Variants in NKAIN2 observed in about 807,000 individuals in gnomAD.
NKAIN2 encodes sodium/potassium-transporting ATPase subunit beta-1-interacting protein 2.
NKAIN2 carries 14 observed loss-of-function variants against 32.6 expected under a neutral mutation model. The ratio of observed to expected loss-of-function variants is 0.43; its 90% CI spans 0.28 to 0.67. The LOEUF is 0.67. NKAIN2 is among the 30% of genes least tolerant of loss of function. The pLI is 0.17. For missense variants in NKAIN2, 198 were observed against 258.3 expected, an observed-to-expected ratio of 0.77 and a Z score of 1.60; for synonymous variants, 80 against 87.2, an observed-to-expected ratio of 0.92 and a Z score of 0.46.
chr6:124,711,467 A>G (rs1775454021), intron 4 of NKAIN2, among the ~76,000 whole-genome samples: 1 of 151,228 alleles, frequency 6.6e-6, no homozygotes, highest in Admixed American at 6.6e-5. Flanking sequence ...AGTCAGACAC[A>G]GATTTGGTCT....
At chr6:124,761,875 A>T (rs1369410965) in intron 4 of NKAIN2, among the ~76,000 whole-genome samples, 1 of 152,126 alleles carries the variant, frequency 6.6e-6, no homozygotes, top group Non-Finnish European at 1.5e-5. Flanking sequence ...GAAAAAACAG[A>T]AATAGGAAGG....
intron 1 of NKAIN2, among the ~76,000 whole-genome samples, chr6:124,234,307 C>G (rs1792625393): frequency 6.6e-6 from 1 of 152,098 alleles, no homozygotes; most frequent in African/African-American, 2.4e-5. Flanking sequence ...GGAAAATAAT[C>G]TAATTCAACA....
At chr6:124,180,956 G>T (rs2114542271) in intron 1 of NKAIN2, among the ~76,000 whole-genome samples, 1 of 152,212 alleles carries the variant, frequency 6.6e-6, no homozygotes, top group African/African-American at 2.4e-5. Context: ...TCTGTGAGGG[G>T]GCTTTGACTC....
intron 1 of NKAIN2, among the ~76,000 whole-genome samples, chr6:123,926,075 C>A (rs1369616962): frequency 6.6e-6 from 1 of 152,128 alleles, no homozygotes; most frequent in Admixed American, 6.6e-5. Context: ...AGGCACTAAT[C>A]CAATCCATAA....
At chr6:124,590,553 G>C (rs1392510532) in intron 3 of NKAIN2, among the ~76,000 whole-genome samples, 1 of 152,186 alleles carries the variant, frequency 6.6e-6, no homozygotes, top group Non-Finnish European at 1.5e-5. Flanking sequence ...TTGCTTTGCT[G>C]TAAGGGCCAG....
intron 3 of NKAIN2, among the ~76,000 whole-genome samples, chr6:124,383,571 G>A (rs150357872): frequency 3.7e-4 from 57 of 152,222 alleles, no homozygotes; most frequent in African/African-American, 1.3e-3. Context: ...GGCCACACAC[G>A]TGCTGTTCCC....
chr6:124,759,627 ACACACACACACACACACACACACACACAC>A (rs1328758613), intron 4 of NKAIN2, among the ~76,000 whole-genome samples: 1 of 137,694 alleles, frequency 7.3e-6, no homozygotes, highest in Non-Finnish European at 1.6e-5. Flanking sequence ...ACACACACAC[ACACACACACACACACACACACACACACAC>A]CCCCTATCTC....
At chr6:124,295,150 A>T (rs978066936) in intron 2 of NKAIN2, among the ~76,000 whole-genome samples, 7 of 152,138 alleles carry the variant, frequency 4.6e-5, no homozygotes, top group African/African-American at 1.7e-4. Flanking sequence ...TTAGTGTTTG[A>T]TGGGGAGTTT....
At chr6:124,001,687 G>T (rs1203993607) in intron 1 of NKAIN2, among the ~76,000 whole-genome samples, 1 of 151,058 alleles carries the variant, frequency 6.6e-6, no homozygotes, top group African/African-American at 2.4e-5. Context: ...TTAAATAATT[G>T]TTTTGTTTAG....
At chr6:124,553,422 C>T (rs1780363169) in intron 3 of NKAIN2, among the ~76,000 whole-genome samples, 1 of 152,202 alleles carries the variant, frequency 6.6e-6, no homozygotes, top group African/African-American at 2.4e-5. Flanking sequence ...ATTCTCCTGC[C>T]TCAGCCTCCC....
At chr6:124,474,179 A>C (rs1777090702) in intron 3 of NKAIN2, among the ~76,000 whole-genome samples, 1 of 151,860 alleles carries the variant, frequency 6.6e-6, no homozygotes, top group Non-Finnish European at 1.5e-5. Context: ...CATAATCTTT[A>C]GAGCTCTATT....
At chr6:123,995,745 CTT>C (rs1026326527) in intron 1 of NKAIN2, among the ~76,000 whole-genome samples, 6 of 152,098 alleles carry the variant, frequency 3.9e-5, no homozygotes, top group African/African-American at 1.4e-4. Context: ...TTGTAAATCT[CTT>C]TTGAGAATTT....
intron 1 of NKAIN2, among the ~76,000 whole-genome samples, chr6:124,058,637 AAAC>A (rs553394551): frequency 6.6e-6 from 1 of 152,236 alleles, no homozygotes; most frequent in Non-Finnish European, 1.5e-5. Flanking sequence ...GGTGGTCAGA[AAAC>A]AACAACTGGA....
chr6:124,660,971 C>G (rs974067166), intron 4 of NKAIN2, among the ~76,000 whole-genome samples: 5 of 152,140 alleles, frequency 3.3e-5, no homozygotes, highest in Admixed American at 2.0e-4. Context: ...AATCTCTGTC[C>G]CTCCCCTTTT....
intron 3 of NKAIN2, among the ~76,000 whole-genome samples, chr6:124,380,544 GA>G (rs1191121977): frequency 6.6e-6 from 1 of 152,132 alleles, no homozygotes; most frequent in Non-Finnish European, 1.5e-5. Flanking sequence ...TCTTAAGGAG[GA>G]TAGAAAAGCA....
chr6:124,670,828 C>T (rs1773065424), intron 4 of NKAIN2, among the ~76,000 whole-genome samples: 1 of 152,008 alleles, frequency 6.6e-6, no homozygotes, highest in South Asian at 2.1e-4. Context: ...AATAGTCTGC[C>T]CATCAGCTTT....
At chr6:124,092,593 A>G (rs1161707070) in intron 1 of NKAIN2, among the ~76,000 whole-genome samples, 4 of 152,096 alleles carry the variant, frequency 2.6e-5, no homozygotes, top group Admixed American at 1.3e-4. Context: ...TCAAACTCAC[A>G]TTAATCAACT....
intron 2 of NKAIN2, among the ~76,000 whole-genome samples, chr6:124,301,316 A>T (rs1562479881): frequency 6.6e-6 from 1 of 152,134 alleles, no homozygotes; most frequent in Non-Finnish European, 1.5e-5. Context: ...ATTTCAGAGG[A>T]TGTATGGAAA....
chr6:124,757,272 T>C (rs972449901), intron 4 of NKAIN2, among the ~76,000 whole-genome samples: 2 of 152,196 alleles, frequency 1.3e-5, no homozygotes, highest in African/African-American at 2.4e-5. Flanking sequence ...ACATTTCCTT[T>C]TGTTGAACAG....
Sources: gnomAD v4.1 joint callset for allele counts (sites outside exome capture counted in the v4.1 genomes callset) on GRCh38, gnomAD v4.1.1 for gene constraint, MANE v1.5 for transcripts, NCBI Gene and HGNC (gene_info 2026-07-23, HGNC 2026-07-21) for gene names.